NEK11: variants seen among roughly 807,000 people sequenced by gnomAD.
The protein encoded by NEK11 is serine/threonine-protein kinase Nek11.
In NEK11, 72 loss-of-function variants were observed where a neutral mutation model predicts 80.7. The observed-to-expected ratio is 0.89, with a 90% CI of 0.74 to 1.08. The LOEUF is 1.08. Ranked by LOEUF, NEK11 falls within the 50% of genes least tolerant of loss-of-function variation. The probability of loss-of-function intolerance (pLI) is 0.00; values close to 1 mark genes in which losing one functional copy is unlikely to be tolerated. For missense variants in NEK11, 764 were observed against 763.6 expected (o/e 1.00, Z -0.01); for synonymous variants, 251 against 260.7 (o/e 0.96, Z 0.36).
At chr3:131,332,651 A>T (rs1376829866) in intron 17 of NEK11, among the ~76,000 whole-genome samples, 3 of 152,250 alleles carry the variant, frequency 2.0e-5, no homozygotes, top group Non-Finnish European at 4.4e-5. Context: ...AGAAGGCTTC[A>T]GATGATCAAA....
intron 4 of NEK11, among the ~76,000 whole-genome samples, chr3:131,094,444 G>T (rs947787664): frequency 6.6e-6 from 1 of 152,076 alleles, no homozygotes; most frequent in Non-Finnish European, 1.5e-5. Context: ...TTTTCCAAGG[G>T]GGGTGGATCT....
intron 3 of NEK11, among the ~76,000 whole-genome samples, chr3:131,032,635 G>T (rs1184045511): frequency 6.6e-6 from 1 of 152,202 alleles, no homozygotes; most frequent in Non-Finnish European, 1.5e-5. Context: ...CTTTGGATGT[G>T]AACAAAAAGT....
chr3:131,132,691 AT>A, intron 5 of NEK11, 53 bp from the exon 6 acceptor site: 1 of 902,728 alleles, frequency 1.1e-6, no homozygotes, highest in Non-Finnish European at 1.7e-6. Context: ...TTACATGGGG[AT>A]TTAAAAATGT....
chr3:131,334,597 A>C (rs551559169), intron 17 of NEK11, among the ~76,000 whole-genome samples: 145 of 147,360 alleles, frequency 9.8e-4, no homozygotes, highest in Middle Eastern at 3.4e-3. Context: ...AGCTAGCAGA[A>C]GGCAAGAAAT....
Position 131,225,610 on chromosome 3 carries a change from C to T in NEK11, c.1400-2918C>T, listed in dbSNP as rs1298967469. The stretch of plus-strand genomic sequence containing the variant: ...ACTGAAGTGCAGAAAGCTTAAATAA[C>T]ACAGTGTTACAGAGCTATTGCTAGA... On this transcript the variant is annotated intron_variant, in intron 14 of 17. Coordinates refer to ENST00000383366, the MANE Select transcript of NEK11 (RefSeq NM_024800.5). 2.6e-5 allele frequency among the ~76,000 whole-genome samples: 4 copies of T among 152,138 alleles called. No individual in the cohort carries two copies. The East Asian group carries it at 7.7e-4, about 29-fold the overall frequency.
intron 3 of NEK11, among the ~76,000 whole-genome samples, chr3:131,065,817 A>G (rs2071821926): frequency 6.6e-6 from 1 of 152,156 alleles, no homozygotes; most frequent in Admixed American, 6.5e-5. Flanking sequence ...CCTTATGCCT[A>G]TTGATTATGC....
chr3:131,154,934 T>C, intron 9 of NEK11, 102 bp from the exon 10 acceptor site: 2 of 680,418 alleles, frequency 2.9e-6, no homozygotes. Flanking sequence ...CTCCCTGCCA[T>C]GGTCAAAAGC....
intron 14 of NEK11, among the ~76,000 whole-genome samples, chr3:131,215,313 A>G (rs1445473721): frequency 6.6e-6 from 1 of 151,488 alleles, no homozygotes; most frequent in Non-Finnish European, 1.5e-5. Flanking sequence ...TAGGAGATAT[A>G]CCTAATGTAA....
At chr3:131,030,361 A>G (rs1181941887) in intron 3 of NEK11, among the ~76,000 whole-genome samples, 2 of 152,258 alleles carry the variant, frequency 1.3e-5, no homozygotes, top group African/African-American at 2.4e-5. Context: ...CAGCAGGTGA[A>G]TAAAGTATCC....
rs529483183 is a variant in NEK11 at position 131,125,722 on chromosome 3, T to C, written c.456-7023T>C. On this transcript the variant is annotated intron_variant, in intron 5 of 17. Transcript: ENST00000383366. ...ACTCAATAATTGTTTTTTGGATTAA[T>C]GAATGAGTCCCACTAGATAGTATTC... 6.6e-5 allele frequency among the ~76,000 whole-genome samples: 10 copies of C among 152,358 alleles called. 1 individual carries two copies. In the South Asian group the frequency reaches 2.1e-3, roughly 32 times the overall value.
chr3:131,082,903 G>A (rs2075477466), intron 4 of NEK11, among the ~76,000 whole-genome samples: 1 of 152,148 alleles, frequency 6.6e-6, no homozygotes, highest in Non-Finnish European at 1.5e-5. Context: ...ACAGCTGTGA[G>A]TATTTTCTAA....
chr3:131,350,076 T>A lies in NEK11; in HGVS notation c.*300T>A, dbSNP rs895807408. On this transcript the variant is annotated 3_prime_UTR_variant, in exon 18 of 18. Coordinates refer to ENST00000383366, the MANE Select transcript of NEK11 (RefSeq NM_024800.5). ...GGCTTCCAGCAGGATTGAGTCACCC[T>A]GACGATGACCGGGGAGAAGCCGTGT... The A allele has an allele frequency of 6.1e-6, 2 of 325,740 alleles. No homozygotes were observed. The highest frequency in any genetic ancestry group is 1.2e-5 in the Non-Finnish European group (2 of 173,544). 20.2% of individuals were successfully genotyped at this position (325,740 alleles called of 1,614,324 possible).
At chr3:131,213,208 C>CAT (rs903291965) in intron 14 of NEK11, among the ~76,000 whole-genome samples, 13 of 151,980 alleles carry the variant, frequency 8.6e-5, no homozygotes, top group South Asian at 2.1e-4. Flanking sequence ...CACACACACA[C>CAT]ACACACATCC....
At chr3:131,081,089 G>A (rs66861512) in intron 4 of NEK11, among the ~76,000 whole-genome samples, 24,619 of 152,142 alleles carry the variant, frequency 0.16, 2,099 homozygotes, top group Middle Eastern at 0.19. Context: ...CAGCCTGGGC[G>A]ATAGAGTGAG....
chr3:131,106,196 A>G (rs1299087016), intron 4 of NEK11, among the ~76,000 whole-genome samples: 1 of 151,992 alleles, frequency 6.6e-6, no homozygotes, highest in Non-Finnish European at 1.5e-5. Flanking sequence ...AATGTGGCAC[A>G]GAACATTTAT....
chr3:131,042,383 A>T (rs934981740), intron 3 of NEK11, among the ~76,000 whole-genome samples: 1 of 152,098 alleles, frequency 6.6e-6, no homozygotes, highest in African/African-American at 2.4e-5. Flanking sequence ...CACAGCCAGC[A>T]TGGCAGTCTG....
intron 3 of NEK11, chr3:131,053,331 G>A (rs754640913): frequency 5.3e-5 from 8 of 152,200 alleles, no homozygotes; most frequent in Non-Finnish European, 1.0e-4. Flanking sequence ...TAATTTCACC[G>A]GCTAAATTAA....
rs140856446 is a variant in NEK11, at chr3:131,348,465, G to C, written c.1719-1092G>C. ...TATAAGATGATAAAAGATAGGGGAG[G>C]TAGGTCAAAGACGGTCAGAAAATGC... On this transcript the variant is annotated intron_variant, in intron 17 of 17. Transcript: ENST00000383366. Among the ~76,000 whole-genome samples the C allele has an allele frequency of 1.5e-3, 225 of 152,052 alleles. 5 individuals are homozygous for C. In the East Asian group the frequency reaches 0.036, roughly 24 times the overall value.
At chr3:131,190,962 G>C (rs148339825) in intron 14 of NEK11, among the ~76,000 whole-genome samples, 2 of 152,082 alleles carry the variant, frequency 1.3e-5, no homozygotes, top group African/African-American at 4.8e-5. Context: ...TCAATTAATA[G>C]TATCTAAAAG....
Sources: gnomAD v4.1 joint callset for allele counts (sites outside exome capture counted in the v4.1 genomes callset) on GRCh38, gnomAD v4.1.1 for gene constraint, MANE v1.5 for transcripts, NCBI Gene and HGNC (gene_info 2026-07-23, HGNC 2026-07-21) for gene names.